PCDH15: variants seen among roughly 807,000 people sequenced by gnomAD.
The protein encoded by PCDH15 is protocadherin related 15.
A neutral mutation model predicts 178.5 loss-of-function variants in PCDH15; 129 were observed. The ratio of observed to expected loss-of-function variants is 0.72; its 90% CI spans 0.63 to 0.84. PCDH15 has a LOEUF of 0.84. Among genes scored for constraint, PCDH15 ranks in the 40% least tolerant of loss-of-function variants. The pLI is 0.00. For missense variants in PCDH15, 2,230 were observed against 2,099.9 expected (o/e 1.06, Z -1.21); for synonymous variants, 800 against 732.0 (o/e 1.09, Z -1.50).
intron 8 of PCDH15, among the ~76,000 whole-genome samples, chr10:54,267,440 C>T (rs1342987376): frequency 2.6e-5 from 4 of 151,744 alleles, no homozygotes; most frequent in Non-Finnish European, 4.4e-5. Flanking sequence ...CGACCAACAG[C>T]AAGAAATAAT....
chr10:53,970,129 G>A (rs2089512664), intron 21 of PCDH15, among the ~76,000 whole-genome samples: 2 of 152,028 alleles, frequency 1.3e-5, no homozygotes, highest in South Asian at 2.1e-4. Context: ...TATGTGCAGC[G>A]ATACACATAG....
chr10:54,678,609 T>G (rs2094835633), intron 1 of PCDH15, among the ~76,000 whole-genome samples: 1 of 152,158 alleles, frequency 6.6e-6, no homozygotes, highest in Admixed American at 6.5e-5. Flanking sequence ...AAACGTTCCC[T>G]GTAGATGTTT....
intron 10 of PCDH15, among the ~76,000 whole-genome samples, chr10:54,207,958 T>G (rs2050994753): frequency 6.6e-6 from 1 of 152,042 alleles, no homozygotes; most frequent in Non-Finnish European, 1.5e-5. Context: ...TGGAATATAG[T>G]TTTCTCCCAA....
chr10:54,055,636 T>C (rs548653339), intron 18 of PCDH15, among the ~76,000 whole-genome samples: 1 of 152,296 alleles, frequency 6.6e-6, no homozygotes, highest in South Asian at 2.1e-4. Context: ...ACCTCTGATA[T>C]TAGCTGAAAG....
At chr10:53,970,187 A>G (rs1428455568) in intron 21 of PCDH15, among the ~76,000 whole-genome samples, 1 of 152,206 alleles carries the variant, frequency 6.6e-6, no homozygotes, top group African/African-American at 2.4e-5. Flanking sequence ...GAAAGCAAAA[A>G]AAAAATAGCA....
rs572847507 is a variant in PCDH15 at position 54,142,019 on chromosome 10, G to GA, written c.1785-9013dup. Among the ~76,000 whole-genome samples the GA allele has an allele frequency of 9.6e-3, 1,426 of 148,980 alleles. 22 individuals are homozygous for GA. Among genetic ancestry groups the GA allele is most frequent in the African/African-American group, 0.033 (1,335 of 40,756 alleles). ...TTGCATTTGCCATTTTTCAATAATG[G>GA]AAAAAAAAACAACATTAGTTGTCTT... On this transcript the variant is annotated intron_variant, in intron 14 of 37. Transcript: ENST00000644397.
At chr10:54,608,542 T>A (rs1185314667) in intron 2 of PCDH15, among the ~76,000 whole-genome samples, 1 of 151,872 alleles carries the variant, frequency 6.6e-6, no homozygotes, top group East Asian at 1.9e-4. Context: ...ACCCAGGATA[T>A]CTAGGCTGCA....
In PCDH15 at chr10:55,123,490, C is replaced by G. The variant is rs1837823150; in HGVS notation, c.-80+43086G>C. Reference sequence around the variant, plus strand: ...ACAGTGTTGTAAATATATTTGACCACATTTTCTATTATGTAATGATAAGAA... The same window carrying G: ...ACAGTGTTGTAAATATATTTGACCAGATTTTCTATTATGTAATGATAAGAA... On this transcript the variant is annotated intron_variant, in intron 2 of 5. Coordinates refer to the PCDH15 transcript ENST00000458638. 2.0e-5 allele frequency among the ~76,000 whole-genome samples: 3 copies of G among 152,138 alleles called. No homozygotes were observed. In the South Asian group the frequency reaches 6.2e-4, roughly 32 times the overall value.
chr10:54,269,590 G>A (rs2057917258), intron 8 of PCDH15, among the ~76,000 whole-genome samples: 1 of 151,876 alleles, frequency 6.6e-6, no homozygotes, highest in Non-Finnish European at 1.5e-5. Flanking sequence ...TGGTATGCAG[G>A]TATACTCTCA....
chr10:54,051,311 T>C (rs2093769004), intron 18 of PCDH15, among the ~76,000 whole-genome samples: 1 of 152,166 alleles, frequency 6.6e-6, no homozygotes, highest in African/African-American at 2.4e-5. Context: ...GTTTGGAACT[T>C]CCTAAACACT....
At chr10:54,619,421 T>A (rs1197940528) in intron 2 of PCDH15, 1 of 152,098 alleles carries the variant, frequency 6.6e-6, no homozygotes. Flanking sequence ...GACATTGAGA[T>A]AAGTCTCAAA....
At position 54,442,377 on chromosome 10, in the gene PCDH15, TCTC is replaced by T. The variant is rs71845518; in HGVS notation, c.158-63438_158-63436del. On this transcript the variant is annotated intron_variant, in intron 3 of 37. Coordinates refer to ENST00000644397, the MANE Select transcript of PCDH15 (RefSeq NM_001384140.1). ...CTACGTGCCACTTTTGGAGGGACAG[TCTC>T]CTTTTTTTTTAAAAAAAAAAAAGGC... 8.2e-3 allele frequency among the ~76,000 whole-genome samples: 309 copies of T among 37,868 alleles called. 3 individuals carry two copies. The highest frequency in any genetic ancestry group is 0.014 in the Non-Finnish European group (178 of 12,436). 24.8% of individuals were successfully genotyped at this position (37,868 alleles called of 152,430 possible). A position where few individuals can be genotyped will look rare whatever the true frequency, so the allele number is the denominator to read the frequency against.
At position 53,978,885 on chromosome 10, in the gene PCDH15, C is replaced by T. The variant is rs190140875; in HGVS notation, c.2868+16764G>A. Among the ~76,000 whole-genome samples, 25 of 152,272 alleles carry T rather than the reference C, an allele frequency of 1.6e-4. No individual in the cohort carries two copies. In the East Asian group the frequency reaches 4.6e-3, roughly 28 times the overall value. ...CCAGTTCCCAACAAGTTCCTCATCT[C>T]CATCTGAGACCAACTCAGCCTGGAC... On this transcript the variant is annotated intron_variant, in intron 21 of 37. Transcript: ENST00000644397.
intron 3 of PCDH15, among the ~76,000 whole-genome samples, chr10:54,503,101 TA>T (rs1309307482): frequency 2.0e-5 from 3 of 151,342 alleles, no homozygotes; most frequent in African/African-American, 7.3e-5. Context: ...TGTTGATAGT[TA>T]AAATTAATTT....
At chr10:54,189,053 G>T (rs2048730572) in intron 11 of PCDH15, among the ~76,000 whole-genome samples, 1 of 151,942 alleles carries the variant, frequency 6.6e-6, no homozygotes, top group Admixed American at 6.6e-5. Context: ...AATGTTTGTT[G>T]TGGACTGAGA....
At chr10:54,646,427 G>T (rs990901072) in intron 2 of PCDH15, among the ~76,000 whole-genome samples, 13 of 152,022 alleles carry the variant, frequency 8.6e-5, no homozygotes, top group African/African-American at 3.1e-4. Flanking sequence ...CCAGAACTTA[G>T]CACAAAACTG....
intron 8 of PCDH15, among the ~76,000 whole-genome samples, chr10:54,238,690 C>T (rs1433287299): frequency 6.6e-6 from 1 of 151,324 alleles, no homozygotes; most frequent in Admixed American, 6.6e-5. Context: ...CACACACACA[C>T]ACACACACAC....
chr10:53,856,835 C>T (rs561055835), intron 28 of PCDH15, among the ~76,000 whole-genome samples: 1 of 152,188 alleles, frequency 6.6e-6, no homozygotes, highest in African/African-American at 2.4e-5. Flanking sequence ...AAATGACCCA[C>T]TCAGATTAAA....
At chr10:55,337,677 G>T (rs917492460) in intron 2 of PCDH15, among the ~76,000 whole-genome samples, 1 of 152,068 alleles carries the variant, frequency 6.6e-6, no homozygotes, top group Non-Finnish European at 1.5e-5. Context: ...CCACATGTTG[G>T]TCTCTAATAA....
Sources: gnomAD v4.1 joint callset for allele counts (sites outside exome capture counted in the v4.1 genomes callset) on GRCh38, gnomAD v4.1.1 for gene constraint, MANE v1.5 for transcripts, NCBI Gene and HGNC (gene_info 2026-07-23, HGNC 2026-07-21) for gene names.